Variants in C1orf159 observed in about 807,000 individuals in gnomAD.
C1orf159 encodes chromosome 1 open reading frame 159.
C1orf159 carries 19 observed loss-of-function variants against 25.6 expected under a neutral mutation model. That is an observed-to-expected ratio of 0.74 (90% CI 0.52 to 1.09). C1orf159 has a LOEUF of 1.09. Ranked by LOEUF, C1orf159 falls within the 50% of genes least tolerant of loss-of-function variation. The probability of loss-of-function intolerance (pLI) is 0.00; values close to 1 mark genes in which losing one functional copy is unlikely to be tolerated. For synonymous variants in C1orf159, 139 were observed against 124.7 expected, an observed-to-expected ratio of 1.12 and a Z score of -0.77; for missense variants, 274 against 290.6, an observed-to-expected ratio of 0.94 and a Z score of 0.42.
chr1:1,101,858 G>A (rs192358208), intron 1 of C1orf159, among the ~76,000 whole-genome samples: 83 of 152,114 alleles, frequency 5.5e-4, no homozygotes, highest in African/African-American at 1.9e-3. Flanking sequence ...GATCCCCTGA[G>A]GTCAGGAGTT....
In C1orf159 at chr1:1,090,363, C is replaced by T. The variant is rs766857900; in HGVS notation, c.138G>A (p.Leu46=). The stretch of plus-strand genomic sequence containing the variant: ...GACAAAGCGGCTTACCTGGACCACA[C>T]AGACTTGCGCCTGGGCAGCTGGCGT... The part of the protein sequence containing the change: ...GVNASCPGAS[L]CGPGCYRRWN... Residue 46 remains leucine, a synonymous_variant, in exon 4 of 10, where the codon CTG becomes CTA. Coordinates refer to ENST00000421241, the MANE Select transcript of C1orf159 (RefSeq NM_017891.5). The T allele has an allele frequency of 2.9e-5, 45 of 1,550,574 alleles. 2 individuals carry two copies. In the South Asian group the frequency reaches 4.5e-4, roughly 16 times the overall value.
At chr1:1,086,695 A>G (rs1274064485) in intron 6 of C1orf159, among the ~76,000 whole-genome samples, 1 of 152,248 alleles carries the variant, frequency 6.6e-6, no homozygotes, top group Non-Finnish European at 1.5e-5. Flanking sequence ...CAATGGACCC[A>G]GGCCAGCTCA....
intron 7 of C1orf159, 111 bp downstream of exon 7, chr1:1,085,767 C>T (rs1357292681): frequency 7.2e-7 from 1 of 1,389,054 alleles, no homozygotes. Flanking sequence ...TCCCTCCCGG[C>T]CTCTGCCAGC....
intron 1 of C1orf159, among the ~76,000 whole-genome samples, chr1:1,097,094 A>C (rs1007723615): frequency 1.3e-5 from 2 of 151,578 alleles, no homozygotes; most frequent in African/African-American, 4.9e-5. Context: ...TTTGTTCTTG[A>C]TATTGGTGAT....
At chr1:1,111,613 A>C (rs1646257459) in intron 1 of C1orf159, among the ~76,000 whole-genome samples, 1 of 152,200 alleles carries the variant, frequency 6.6e-6, no homozygotes, top group African/African-American at 2.4e-5. Context: ...AACATCTTGC[A>C]AAACAACCCT....
rs747701871 is a variant in C1orf159, at chr1:1,085,975, C to T, written c.348G>A (p.Thr116=). 76 of 1,613,174 alleles carry T rather than the reference C, an allele frequency of 4.7e-5. No homozygotes were observed. Among genetic ancestry groups the T allele is most frequent in the Middle Eastern group, 1.6e-4 (1 of 6,084 alleles). The change falls in exon 7 of 10, where the codon ACG becomes ACA. Residue 116 remains threonine, a synonymous_variant. Coordinates refer to ENST00000421241, the MANE Select transcript of C1orf159 (RefSeq NM_017891.5). ...PRVAASLFLG[T]FFISSGLILS... ...GGATGAGGCCGGAGCTAATGAAGAACGTGCCCAGGAAGAGGGAGGCGGCCA... is the reference window on the plus strand; with the variant it reads ...GGATGAGGCCGGAGCTAATGAAGAATGTGCCCAGGAAGAGGGAGGCGGCCA...
intron 2 of C1orf159, 27 bp from the exon 3 acceptor site, chr1:1,091,592 CAA>C (rs1363993019): frequency 5.3e-5 from 58 of 1,101,400 alleles, no homozygotes; most frequent in Non-Finnish European, 7.1e-5. Context: ...CATGCGGAGC[CAA>C]AGAGATGGAG....
At chr1:1,096,908 G>C (rs1241372632) in intron 1 of C1orf159, among the ~76,000 whole-genome samples, 2 of 152,088 alleles carry the variant, frequency 1.3e-5, no homozygotes, top group African/African-American at 4.8e-5. Flanking sequence ...ATTTTTTGTA[G>C]AGACAGGGTC....
intron 6 of C1orf159, among the ~76,000 whole-genome samples, chr1:1,086,500 C>A (rs916075247): frequency 6.6e-6 from 1 of 152,220 alleles, no homozygotes; most frequent in Admixed American, 6.5e-5. Flanking sequence ...GCCTGGGGCT[C>A]GGGACAGTTG....
chr1:1,096,516 T>G (rs1297186798), intron 1 of C1orf159, among the ~76,000 whole-genome samples: 5 of 152,194 alleles, frequency 3.3e-5, no homozygotes, highest in Non-Finnish European at 7.3e-5. Context: ...ATATTGTGAT[T>G]TCTTCTTTGA....
chr1:1,087,419 TG>T lies in C1orf159; in HGVS notation c.244+82del. ...AGTGGACAGTGGCTCTGGGGCAAGG[TG>T]GGGACACAGACAGCAACTCCCACAG... On this transcript the variant is annotated intron_variant, in intron 5 of 9. Transcript: ENST00000421241. This position sits in a 1 kb window ranked among gnomAD's most constrained non-coding sequence, Gnocchi z 8.3. 1 of 1,349,106 alleles carries T rather than the reference TG, an allele frequency of 7.4e-7. No individual in the cohort carries two copies. The highest frequency in any genetic ancestry group is 1.3e-5 in the South Asian group (1 of 74,088). 83.6% of individuals were successfully genotyped at this position (1,349,106 alleles called of 1,614,324 possible). A position where few individuals can be genotyped will look rare whatever the true frequency, so the allele number is the denominator to read the frequency against.
intron 6 of C1orf159, among the ~76,000 whole-genome samples, chr1:1,086,672 C>A (rs2100742838): frequency 1.3e-5 from 2 of 152,366 alleles, no homozygotes; most frequent in Middle Eastern, 6.8e-3. Context: ...TAAAACACTG[C>A]CACTCAGGTC....
chr1:1,093,649 G>A (rs370093820), intron 1 of C1orf159, among the ~76,000 whole-genome samples: 8 of 152,202 alleles, frequency 5.3e-5, no homozygotes, highest in Non-Finnish European at 1.0e-4. Flanking sequence ...TTCCACAGTC[G>A]GAGGATTTTC....
intron 3 of C1orf159, 109 bp downstream of exon 3, chr1:1,091,363 G>T (rs1233116136): frequency 9.4e-7 from 1 of 1,065,262 alleles, no homozygotes. Context: ...CTGGGGCTGG[G>T]ACATCAGTGT....
At chr1:1,095,727 G>A (rs1646001154) in intron 1 of C1orf159, among the ~76,000 whole-genome samples, 1 of 152,162 alleles carries the variant, frequency 6.6e-6, no homozygotes, top group Admixed American at 6.5e-5. Context: ...GTGAGAATGG[G>A]TGTCATCCTT....
chr1:1,091,988 T>C lies in C1orf159; in HGVS notation c.-23+3A>G. On this transcript the variant is annotated splice_donor_region_variant and intron_variant, in intron 2 of 9. Transcript: ENST00000421241. Reference sequence around the variant, plus strand: ...GTGGGGCGAGGTGTAGGCAGGGCCTTACCTGCCCCTCCAGGATGGGGACTA... The same window carrying C: ...GTGGGGCGAGGTGTAGGCAGGGCCTCACCTGCCCCTCCAGGATGGGGACTA... 1 of 458,314 alleles carries C rather than the reference T, an allele frequency of 2.2e-6. No individual in the cohort carries two copies. The highest frequency in any genetic ancestry group is 6.9e-5 in the East Asian group (1 of 14,546). 28.4% of individuals were successfully genotyped at this position (458,314 alleles called of 1,614,324 possible).
intron 9 of C1orf159, 44 bp downstream of exon 9, chr1:1,084,309 C>T (rs1442900998): frequency 6.6e-7 from 1 of 1,526,114 alleles, no homozygotes; most frequent in Non-Finnish European, 8.8e-7. Flanking sequence ...GGGACTGGCC[C>T]AGAGATGGGA....
chr1:1,113,913 CTTTT>C lies in C1orf159; in HGVS notation c.-136+2143_-136+2146del, dbSNP rs763307791. Among the ~76,000 whole-genome samples, 310 of 121,006 alleles carry C rather than the reference CTTTT, an allele frequency of 2.6e-3. 3 individuals are homozygous for C. The highest frequency in any genetic ancestry group is 7.4e-3 in the African/African-American group (236 of 31,692). The allele number at this position is 121,006 out of a possible 152,430, so 79.4% of individuals were successfully genotyped here. A position where few individuals can be genotyped will look rare whatever the true frequency, so the allele number is the denominator to read the frequency against. ...AGTTGTGCGCACGCTCCCTCGAGGC[CTTTT>C]TTTTTTTTTTTTTTTTTGAGATGGA... On this transcript the variant is annotated intron_variant, in intron 1 of 9. Coordinates refer to ENST00000421241, the MANE Select transcript of C1orf159 (RefSeq NM_017891.5).
chr1:1,089,011 G>C lies in C1orf159; in HGVS notation c.148+1342C>G, dbSNP rs532883922. Among the ~76,000 whole-genome samples the C allele has an allele frequency of 6.6e-6, 1 of 152,230 alleles. No homozygotes were observed. Among genetic ancestry groups the C allele is most frequent in the Non-Finnish European group, 1.5e-5 (1 of 68,020 alleles). On this transcript the variant is annotated intron_variant, in intron 4 of 9. Transcript: ENST00000421241. The surrounding 1 kb of genome is among the most constrained non-coding windows in gnomAD (Gnocchi z 7.5). ...GGCTCTGTCTGAGAGTCTCTGCCCC[G>C]GAGGCCGAAGAACGGAGTCCACGGC...
Sources: gnomAD v4.1 joint callset for allele counts (sites outside exome capture counted in the v4.1 genomes callset) on GRCh38, gnomAD v4.1.1 for gene constraint, Gnocchi (gnomAD v3.1) non-coding constraint, MANE v1.5 for transcripts, NCBI Gene and HGNC (gene_info 2026-07-23, HGNC 2026-07-21) for gene names.